DOK6: variants seen among roughly 807,000 people sequenced by gnomAD.
DOK6 encodes the protein docking protein 6.
In DOK6, 22 loss-of-function variants were observed where a neutral mutation model predicts 44.0. That is an observed-to-expected ratio of 0.50 (90% CI 0.36 to 0.71). DOK6 has a LOEUF of 0.71. DOK6 is among the 30% of genes least tolerant of loss of function. The probability of loss-of-function intolerance (pLI) is 0.00; values close to 1 mark genes in which losing one functional copy is unlikely to be tolerated. For missense variants in DOK6, 340 were observed against 416.4 expected, an observed-to-expected ratio of 0.82 and a Z score of 1.60; for synonymous variants, 166 against 145.5, an observed-to-expected ratio of 1.14 and a Z score of -1.01.
intron 7 of DOK6, chr18:69,777,897 G>A (rs1329726397): frequency 6.6e-6 from 1 of 152,068 alleles, no homozygotes; most frequent in African/African-American, 2.4e-5. Context: ...AGGAAATCAT[G>A]AAAATCGGCA....
intron 5 of DOK6, among the ~76,000 whole-genome samples, chr18:69,732,896 C>G (rs557530437): frequency 2.4e-4 from 36 of 152,300 alleles, no homozygotes; most frequent in African/African-American, 8.4e-4. Flanking sequence ...GAAGAATTAT[C>G]CGAGACCGGG....
At chr18:69,474,135 A>G (rs189460037) in intron 1 of DOK6, among the ~76,000 whole-genome samples, 1 of 152,080 alleles carries the variant, frequency 6.6e-6, no homozygotes, top group Admixed American at 6.6e-5. Flanking sequence ...AGATTTTATT[A>G]TATGTGTCCT....
In DOK6 at chr18:69,465,845, T is replaced by C. The variant is rs1046696031; in HGVS notation, c.66+64535T>C. Among the ~76,000 whole-genome samples the C allele has an allele frequency of 2.6e-5, 4 of 152,160 alleles. No homozygotes were observed. In the South Asian group the frequency reaches 6.2e-4, roughly 24 times the overall value. ...CCAGTAATGGGATGGCTGGGTCAAA[T>C]GGTATTTTCTAATAAAGTTATTCTA... On this transcript the variant is annotated intron_variant, in intron 1 of 7. Transcript: ENST00000382713.
At chr18:69,753,889 G>A (rs1374423715) in intron 6 of DOK6, among the ~76,000 whole-genome samples, 1 of 151,790 alleles carries the variant, frequency 6.6e-6, no homozygotes, top group East Asian at 1.9e-4. Flanking sequence ...AGGAATGAAA[G>A]AACTTCAAAC....
intron 2 of DOK6, among the ~76,000 whole-genome samples, chr18:69,583,932 C>T (rs1158700755): frequency 6.6e-6 from 1 of 151,874 alleles, no homozygotes; most frequent in African/African-American, 2.4e-5. Flanking sequence ...CACGGTGAAA[C>T]CCCGTCCCTA....
chr18:69,401,457 C>T (rs1269051701), intron 1 of DOK6, 147 bp downstream of exon 1: 28 of 991,506 alleles, frequency 2.8e-5, no homozygotes, highest in Non-Finnish European at 3.7e-5. Flanking sequence ...GTTGCTTGGC[C>T]AGGTGGGGGC....
chr18:69,553,070 T>C (rs1403345705), intron 1 of DOK6, among the ~76,000 whole-genome samples: 1 of 152,228 alleles, frequency 6.6e-6, no homozygotes, highest in Non-Finnish European at 1.5e-5. Flanking sequence ...ACCATAATGT[T>C]TTAAGATTTA....
At chr18:69,645,309 G>C (rs1407789695) in intron 3 of DOK6, among the ~76,000 whole-genome samples, 2 of 152,044 alleles carry the variant, frequency 1.3e-5, no homozygotes, top group African/African-American at 4.8e-5. Context: ...CCACGAACCT[G>C]TTTTCCATCT....
intron 7 of DOK6, among the ~76,000 whole-genome samples, chr18:69,771,762 A>G (rs145073055): frequency 2.0e-5 from 3 of 152,096 alleles, no homozygotes; most frequent in East Asian, 3.9e-4. Context: ...TTTATGTCCT[A>G]TTTCTAGATA....
intron 7 of DOK6, among the ~76,000 whole-genome samples, chr18:69,822,533 G>A (rs1981604968): frequency 6.6e-6 from 1 of 152,242 alleles, no homozygotes; most frequent in South Asian, 2.1e-4. Context: ...GGGAACCCCA[G>A]TGTTTTAAAA....
intron 7 of DOK6, among the ~76,000 whole-genome samples, chr18:69,780,807 T>A (rs1980241211): frequency 1.3e-5 from 2 of 152,294 alleles, no homozygotes; most frequent in South Asian, 4.2e-4. Context: ...TAAGTGAAAA[T>A]CATGTGACCA....
At chr18:69,449,762 G>A (rs562614216) in intron 1 of DOK6, among the ~76,000 whole-genome samples, 16 of 151,762 alleles carry the variant, frequency 1.1e-4, no homozygotes, top group East Asian at 2.0e-4. Flanking sequence ...CCTGACCCCC[G>A]AGCAGCCTAA....
At chr18:69,602,841 A>C (rs1983904401) in intron 3 of DOK6, among the ~76,000 whole-genome samples, 1 of 152,238 alleles carries the variant, frequency 6.6e-6, no homozygotes, top group Non-Finnish European at 1.5e-5. Context: ...AAAATTAGTA[A>C]AGAAAATTAT....
chr18:69,707,783 G>A (rs909119397), intron 5 of DOK6, among the ~76,000 whole-genome samples: 1 of 152,160 alleles, frequency 6.6e-6, no homozygotes, highest in African/African-American at 2.4e-5. Flanking sequence ...GCTGGGTGCA[G>A]GAAATGAAGG....
chr18:69,836,981 A>G (rs746227785), intron 7 of DOK6, among the ~76,000 whole-genome samples: 3 of 152,224 alleles, frequency 2.0e-5, no homozygotes, highest in Non-Finnish European at 4.4e-5. Flanking sequence ...TATGTATTAA[A>G]TAGCATCATT....
At chr18:69,814,352 AG>A (rs1027681034) in intron 7 of DOK6, among the ~76,000 whole-genome samples, 8 of 152,044 alleles carry the variant, frequency 5.3e-5, no homozygotes, top group African/African-American at 1.9e-4. Flanking sequence ...AGGGAGGCAA[AG>A]TGTGTTGCCA....
chr18:69,432,428 A>G (rs1190570156), intron 1 of DOK6, among the ~76,000 whole-genome samples: 3 of 152,130 alleles, frequency 2.0e-5, no homozygotes, highest in African/African-American at 7.2e-5. Flanking sequence ...TGGGAAACAG[A>G]GAGAGACCCT....
chr18:69,518,168 G>A (rs1368102152), intron 1 of DOK6, among the ~76,000 whole-genome samples: 1 of 152,126 alleles, frequency 6.6e-6, no homozygotes, highest in African/African-American at 2.4e-5. Context: ...TTGCCGGTCT[G>A]ATAAATTGAA....
At chr18:69,759,985 C>T (rs187064820) in intron 7 of DOK6, among the ~76,000 whole-genome samples, 2 of 152,162 alleles carry the variant, frequency 1.3e-5, no homozygotes, top group Admixed American at 6.5e-5. Context: ...TAGAGCAATA[C>T]GTTTTACCAC....
Sources: gnomAD v4.1 joint callset for allele counts (sites outside exome capture counted in the v4.1 genomes callset) on GRCh38, gnomAD v4.1.1 for gene constraint, MANE v1.5 for transcripts, NCBI Gene and HGNC (gene_info 2026-07-23, HGNC 2026-07-21) for gene names.